The following COL23A1 variants were observed in gnomAD, a reference collection of about 807,000 sequenced individuals.
COL23A1 encodes collagen type XXIII alpha 1 chain.
COL23A1 carries 97 observed loss-of-function variants against 99.3 expected under a neutral mutation model. That is an observed-to-expected ratio of 0.98 (90% confidence interval 0.83 to 1.16). The LOEUF (loss-of-function observed/expected upper bound fraction) is 1.16, where lower values mean the gene tolerates loss of function less well. Ranked by LOEUF, COL23A1 falls within the 50% of genes most tolerant of loss-of-function variation. The probability of loss-of-function intolerance (pLI) is 0.00; values close to 1 mark genes in which losing one functional copy is unlikely to be tolerated. For missense variants in COL23A1, 762 were observed against 757.4 expected, an observed-to-expected ratio of 1.01 and a Z score of -0.07; for synonymous variants, 320 against 308.2, an observed-to-expected ratio of 1.04 and a Z score of -0.40.
intron 18 of COL23A1, 72 bp downstream of exon 18, chr5:178,249,985 GCACA>G (rs5873601): frequency 0.012 from 15,922 of 1,279,362 alleles, 24 homozygotes; most frequent in Non-Finnish European, 0.014. Flanking sequence ...ACATGCACAC[GCACA>G]CACACACACA....
intron 2 of COL23A1, among the ~76,000 whole-genome samples, chr5:178,342,312 A>G (rs113012331): frequency 5.6e-4 from 85 of 152,310 alleles, no homozygotes; most frequent in African/African-American, 1.9e-3. Flanking sequence ...CGCTAGCACC[A>G]AGGTGGTTTC....
At chr5:178,374,787 C>T (rs543254173) in intron 2 of COL23A1, among the ~76,000 whole-genome samples, 1 of 152,300 alleles carries the variant, frequency 6.6e-6, no homozygotes, top group African/African-American at 2.4e-5. Context: ...TGAAATGGTG[C>T]AGCCACTTTG....
intron 2 of COL23A1, among the ~76,000 whole-genome samples, chr5:178,324,654 C>T (rs565877205): frequency 4.0e-4 from 61 of 152,334 alleles, no homozygotes; most frequent in Non-Finnish European, 7.8e-4. Context: ...ACACACACCA[C>T]AAGGCTGGGG....
intron 2 of COL23A1, among the ~76,000 whole-genome samples, chr5:178,420,963 G>A (rs755615774): frequency 8.6e-5 from 13 of 151,934 alleles, no homozygotes; most frequent in Middle Eastern, 3.4e-3. Flanking sequence ...CCTCCCTGGC[G>A]TGGGGGGGTC....
chr5:178,294,973 C>A (rs2127591447), intron 3 of COL23A1, among the ~76,000 whole-genome samples: 1 of 152,224 alleles, frequency 6.6e-6, no homozygotes, highest in South Asian at 2.1e-4. Flanking sequence ...GAAACCCTGT[C>A]TTTATTAAAA....
chr5:178,256,625 A>G (rs1765314963), intron 14 of COL23A1, among the ~76,000 whole-genome samples: 1 of 152,198 alleles, frequency 6.6e-6, no homozygotes, highest in Non-Finnish European at 1.5e-5. Flanking sequence ...GGTGTCCAGG[A>G]GCCTGAGGCT....
rs1044168657 is a variant in COL23A1 at position 178,384,809 on chromosome 5, T to C, written c.362-77890A>G. On this transcript the variant is annotated intron_variant, in intron 2 of 28. Coordinates refer to ENST00000390654, the MANE Select transcript of COL23A1 (RefSeq NM_173465.4). The surrounding 1 kb of genome is among the most constrained non-coding windows in gnomAD (Gnocchi z 5.5). ...AACAGCCTGGGGCTTGGAGTCCCCC[T>C]GAGGGAAATGGCTGTGCCTTTTCCT... Among the ~76,000 whole-genome samples the C allele has an allele frequency of 3.9e-5, 6 of 152,290 alleles. No individual in the cohort carries two copies. The highest frequency in any genetic ancestry group is 1.4e-4 in the African/African-American group (6 of 41,562).
intron 2 of COL23A1, among the ~76,000 whole-genome samples, chr5:178,456,876 T>G (rs1767828672): frequency 6.6e-6 from 1 of 152,234 alleles, no homozygotes. Flanking sequence ...GAAAATTCCC[T>G]GATTTCCCCT....
chr5:178,495,021 G>A (rs977343709), intron 2 of COL23A1, among the ~76,000 whole-genome samples: 2 of 152,192 alleles, frequency 1.3e-5, no homozygotes, highest in African/African-American at 4.8e-5. Flanking sequence ...TGTGGGTCTC[G>A]CAAAGCTGGG....
chr5:178,339,737 C>G (rs1429226794), intron 2 of COL23A1, among the ~76,000 whole-genome samples: 1 of 152,286 alleles, frequency 6.6e-6, no homozygotes, highest in East Asian at 1.9e-4. Context: ...GGGGTGGGAG[C>G]CTCCAGCTGA....
chr5:178,575,521 C>A (rs1763306030), intron 1 of COL23A1, among the ~76,000 whole-genome samples: 1 of 152,196 alleles, frequency 6.6e-6, no homozygotes, highest in South Asian at 2.1e-4. Flanking sequence ...TGCAGAAGAT[C>A]ATGGATTATC....
At chr5:178,371,985 A>T (rs1205891514) in intron 2 of COL23A1, among the ~76,000 whole-genome samples, 1 of 152,248 alleles carries the variant, frequency 6.6e-6, no homozygotes, top group Non-Finnish European at 1.5e-5. Flanking sequence ...GAAATCCAGG[A>T]TCCTTTCTAG....
rs1404204641 is a variant in COL23A1, at chr5:178,516,377, CA to C, written c.361+44304del. Among the ~76,000 whole-genome samples, 5 of 152,228 alleles carry C rather than the reference CA, an allele frequency of 3.3e-5. No homozygotes were observed. In the East Asian group the frequency reaches 7.7e-4, roughly 23 times the overall value. On this transcript the variant is annotated intron_variant, in intron 2 of 28. Transcript: ENST00000390654. ...CACCCAGCTCAGATGCCAACGTGCCCAAAGGCGCTGCCCGATGACGGCTCTC... is the reference window on the plus strand; with the variant it reads ...CACCCAGCTCAGATGCCAACGTGCCCAAGGCGCTGCCCGATGACGGCTCTC...
intron 3 of COL23A1, among the ~76,000 whole-genome samples, chr5:178,298,797 G>T (rs1757882399): frequency 6.6e-6 from 1 of 152,206 alleles, no homozygotes; most frequent in South Asian, 2.1e-4. Flanking sequence ...CTGACCTCAA[G>T]CGATTTGCCC....
intron 2 of COL23A1, among the ~76,000 whole-genome samples, chr5:178,372,226 C>T (rs1561913328): frequency 2.0e-5 from 3 of 152,180 alleles, no homozygotes; most frequent in Non-Finnish European, 2.9e-5. Flanking sequence ...GGAGGCACTT[C>T]GAGAGAGTGT....
chr5:178,274,989 C>T (rs530401530), intron 5 of COL23A1, among the ~76,000 whole-genome samples: 39 of 152,208 alleles, frequency 2.6e-4, no homozygotes, highest in Admixed American at 6.5e-4. Context: ...GGGATGTTTC[C>T]GGATGTGTGA....
chr5:178,571,309 C>G (rs1763082346), intron 1 of COL23A1, among the ~76,000 whole-genome samples: 1 of 152,006 alleles, frequency 6.6e-6, no homozygotes, highest in Admixed American at 6.6e-5. Context: ...TTGCAGTGAG[C>G]CAAGATCGCA....
intron 2 of COL23A1, among the ~76,000 whole-genome samples, chr5:178,347,876 T>A (rs1286993031): frequency 3.6e-5 from 3 of 82,374 alleles, no homozygotes; most frequent in Admixed American, 1.4e-4. Flanking sequence ...CAAGACTCTG[T>A]CTCAAAAAAA....
chr5:178,314,350 G>T (rs545907016), intron 2 of COL23A1, among the ~76,000 whole-genome samples: 2 of 152,158 alleles, frequency 1.3e-5, no homozygotes, highest in Non-Finnish European at 2.9e-5. Flanking sequence ...GGCTGCCAGG[G>T]TTTTAAGGCA....
Sources: gnomAD v4.1 joint callset for allele counts (sites outside exome capture counted in the v4.1 genomes callset) on GRCh38, gnomAD v4.1.1 for gene constraint, Gnocchi (gnomAD v3.1) non-coding constraint, MANE v1.5 for transcripts, NCBI Gene and HGNC (gene_info 2026-07-23, HGNC 2026-07-21) for gene names.